Variants in APP observed in about 807,000 individuals in gnomAD.
The protein encoded by APP is amyloid beta precursor protein, also known as amyloid-beta precursor protein.
Under a neutral mutation model 101.4 loss-of-function variants are expected in APP, and 31 were observed. The ratio of observed to expected loss-of-function variants is 0.31; its 90% CI spans 0.23 to 0.41. The LOEUF (loss-of-function observed/expected upper bound fraction) is 0.41, where lower values mean the gene tolerates loss of function less well. APP is among the 10% of genes least tolerant of loss of function. APP has a pLI of 1.00. For missense variants in APP, 839 were observed against 1,003.7 expected, an observed-to-expected ratio of 0.84 and a Z score of 2.22; for synonymous variants, 366 against 364.4, an observed-to-expected ratio of 1.00 and a Z score of -0.05.
At chr21:25,903,011 T>A (rs1227123763) in intron 15 of APP, among the ~76,000 whole-genome samples, 4 of 152,178 alleles carry the variant, frequency 2.6e-5, no homozygotes, top group Admixed American at 2.0e-4. Context: ...TAAAACACAC[T>A]GTTTTTGTTT....
At chr21:25,912,421 A>G (rs879906254) in intron 13 of APP, among the ~76,000 whole-genome samples, 19 of 152,214 alleles carry the variant, frequency 1.2e-4, no homozygotes, top group Admixed American at 1.2e-3. Flanking sequence ...CTTGCCTTGC[A>G]CACTTGCAAG....
chr21:26,147,871 A>C (rs918362895), intron 1 of APP, among the ~76,000 whole-genome samples: 11 of 150,118 alleles, frequency 7.3e-5, no homozygotes, highest in South Asian at 4.3e-4. Flanking sequence ...CAACCCCCCC[A>C]AAAAAACCTC....
chr21:26,127,862 A>G (rs1467273122), intron 1 of APP, among the ~76,000 whole-genome samples: 1 of 152,214 alleles, frequency 6.6e-6, no homozygotes, highest in Non-Finnish European at 1.5e-5. Context: ...ACTTGTATCT[A>G]GCAGGAAGAG....
chr21:26,160,801 C>T (rs1421648109), intron 1 of APP, among the ~76,000 whole-genome samples: 1 of 152,006 alleles, frequency 6.6e-6, no homozygotes, highest in Non-Finnish European at 1.5e-5. Context: ...TGAAAGTGTC[C>T]CAATCAATCA....
intron 13 of APP, among the ~76,000 whole-genome samples, chr21:25,935,620 T>C (rs889205896): frequency 6.6e-6 from 1 of 151,912 alleles, no homozygotes; most frequent in African/African-American, 2.4e-5. Context: ...GGCGAGTGGA[T>C]TACAAGGTCA....
chr21:26,108,729 T>TA (rs1185702322), intron 2 of APP, among the ~76,000 whole-genome samples: 2 of 151,162 alleles, frequency 1.3e-5, no homozygotes, highest in Non-Finnish European at 1.5e-5. Context: ...CTACTAAAAA[T>TA]AAAAAAAATC....
chr21:26,141,941 C>T (rs2063055234), intron 1 of APP, among the ~76,000 whole-genome samples: 1 of 152,116 alleles, frequency 6.6e-6, no homozygotes, highest in Admixed American at 6.5e-5. Context: ...CGGTACATAC[C>T]CAATTACATC....
intron 5 of APP, among the ~76,000 whole-genome samples, chr21:26,047,713 T>C (rs768188813): frequency 6.6e-6 from 1 of 152,154 alleles, no homozygotes; most frequent in East Asian, 1.9e-4. Flanking sequence ...TCTGTCTTAA[T>C]GGAAAAATAA....
intron 13 of APP, among the ~76,000 whole-genome samples, chr21:25,914,678 C>T (rs1000079556): frequency 2.6e-5 from 4 of 151,866 alleles, no homozygotes; most frequent in South Asian, 2.1e-4. Context: ...CTCAGCCTCC[C>T]GAGTAGCTGG....
At chr21:26,028,894 G>A (rs1229398131) in intron 5 of APP, among the ~76,000 whole-genome samples, 3 of 152,146 alleles carry the variant, frequency 2.0e-5, no homozygotes, top group African/African-American at 4.8e-5. Context: ...GCTAATGAAT[G>A]ACTATGATAG....
rs767763514 is a variant in APP, at chr21:26,145,834, G to A, written c.57+24730C>T. ...CATTCTGAATGTTTTCACTTATATC[G>A]GTATGATTTTAGATATTTCTATACA... On this transcript the variant is annotated intron_variant, in intron 1 of 17. Coordinates refer to ENST00000346798, the MANE Select transcript of APP (RefSeq NM_000484.4). Among the ~76,000 whole-genome samples the A allele has an allele frequency of 4.6e-5, 7 of 151,940 alleles. No individual in the cohort carries two copies. In the South Asian group the frequency reaches 8.3e-4, roughly 18 times the overall value.
At chr21:26,062,461 G>A (rs1428348192) in intron 3 of APP, among the ~76,000 whole-genome samples, 1 of 151,824 alleles carries the variant, frequency 6.6e-6, no homozygotes, top group Non-Finnish European at 1.5e-5. Context: ...TCAGGAGTTC[G>A]AGACCAGCCT....
At chr21:26,013,241 CG>C (rs1568855159) in intron 6 of APP, among the ~76,000 whole-genome samples, 1 of 151,482 alleles carries the variant, frequency 6.6e-6, no homozygotes, top group African/African-American at 2.4e-5. Flanking sequence ...CACTTGAACC[CG>C]GGAGGCAGAG....
At chr21:26,070,693 C>T (rs1364666489) in intron 3 of APP, among the ~76,000 whole-genome samples, 3 of 151,904 alleles carry the variant, frequency 2.0e-5, no homozygotes, top group Non-Finnish European at 4.4e-5. Flanking sequence ...AACAAAACAC[C>T]CAGAAAAATC....
At chr21:26,154,509 C>A (rs2063336859) in intron 1 of APP, among the ~76,000 whole-genome samples, 1 of 152,262 alleles carries the variant, frequency 6.6e-6, no homozygotes, top group Middle Eastern at 3.4e-3. Flanking sequence ...TGCCTGGTAA[C>A]TCTATTCATC....
At chr21:26,060,513 A>G (rs1051951624) in intron 3 of APP, among the ~76,000 whole-genome samples, 6 of 152,228 alleles carry the variant, frequency 3.9e-5, no homozygotes, top group East Asian at 1.9e-4. Flanking sequence ...AGTGAACAAA[A>G]CAGATAAAAC....
chr21:26,131,989 G>A (rs1166459074), intron 1 of APP, among the ~76,000 whole-genome samples: 1 of 151,360 alleles, frequency 6.6e-6, no homozygotes, highest in Non-Finnish European at 1.5e-5. Context: ...CTAAAAATCA[G>A]TTGTCCATAG....
chr21:25,897,307 G>A (rs1391341357), intron 16 of APP, among the ~76,000 whole-genome samples: 2 of 152,026 alleles, frequency 1.3e-5, no homozygotes, highest in African/African-American at 2.4e-5. Flanking sequence ...GTAGAGATGG[G>A]GTTTCACCAT....
chr21:25,918,360 G>A (rs896109739), intron 13 of APP, among the ~76,000 whole-genome samples: 13 of 152,222 alleles, frequency 8.5e-5, no homozygotes, highest in African/African-American at 2.7e-4. Context: ...AAAAAAGGAT[G>A]AGTTCGGGAG....
Sources: allele counts gnomAD v4.1 joint callset (sites outside exome capture counted in the v4.1 genomes callset), GRCh38; gene constraint gnomAD v4.1.1; transcripts MANE v1.5; gene names NCBI Gene and HGNC (gene_info 2026-07-23, HGNC 2026-07-21).